Variants in PLS1 observed in about 807,000 individuals in gnomAD.
PLS1 encodes the protein plastin-1.
Under a neutral mutation model 73.7 loss-of-function variants are expected in PLS1, and 32 were observed. That is an observed-to-expected ratio of 0.43 (90% CI 0.33 to 0.58). The LOEUF is 0.58. Among genes scored for constraint, PLS1 ranks in the 20% least tolerant of loss-of-function variants. PLS1 has a pLI of 0.04. For missense variants in PLS1, 633 were observed against 740.5 expected, an observed-to-expected ratio of 0.85 and a Z score of 1.68; for synonymous variants, 217 against 261.3, an observed-to-expected ratio of 0.83 and a Z score of 1.63.
intron 1 of PLS1, among the ~76,000 whole-genome samples, chr3:142,655,103 A>G (rs2037193734): frequency 6.6e-6 from 1 of 152,242 alleles, no homozygotes; most frequent in Admixed American, 6.5e-5. Context: ...AAATAGCAAA[A>G]TAAGACCATT....
chr3:142,653,430 G>C (rs967587678), intron 1 of PLS1, among the ~76,000 whole-genome samples: 2 of 148,130 alleles, frequency 1.4e-5, no homozygotes, highest in Non-Finnish European at 3.0e-5. Flanking sequence ...GTGTGATCTC[G>C]GCTCACTGCA....
intron 1 of PLS1, among the ~76,000 whole-genome samples, chr3:142,629,857 C>A (rs780902400): frequency 2.6e-5 from 4 of 152,104 alleles, no homozygotes; most frequent in Non-Finnish European, 4.4e-5. Context: ...TGTTTAGCAA[C>A]GTCCCTGGCC....
At chr3:142,678,666 C>T (rs967412466) in intron 6 of PLS1, among the ~76,000 whole-genome samples, 84 of 151,164 alleles carry the variant, frequency 5.6e-4, no homozygotes, top group Non-Finnish European at 1.0e-3. Flanking sequence ...TTAATCCAGT[C>T]TATCATTGTT....
intron 1 of PLS1, among the ~76,000 whole-genome samples, chr3:142,618,458 A>C (rs2036253515): frequency 6.6e-6 from 1 of 152,246 alleles, no homozygotes; most frequent in Admixed American, 6.5e-5. Flanking sequence ...GTAGGTCAGA[A>C]GTTTGATACA....
At chr3:142,691,013 G>A (rs2038074461) in intron 10 of PLS1, among the ~76,000 whole-genome samples, 1 of 152,002 alleles carries the variant, frequency 6.6e-6, no homozygotes, top group Admixed American at 6.6e-5. Flanking sequence ...ATGATGTGCG[G>A]TATTCATGAT....
At chr3:142,648,240 G>C (rs956356014) in intron 1 of PLS1, among the ~76,000 whole-genome samples, 3 of 152,178 alleles carry the variant, frequency 2.0e-5, no homozygotes, top group Non-Finnish European at 2.9e-5. Flanking sequence ...TGAGAGAATA[G>C]AGTTTCTAGG....
At chr3:142,611,499 G>A (rs1329014046) in intron 1 of PLS1, among the ~76,000 whole-genome samples, 1 of 152,146 alleles carries the variant, frequency 6.6e-6, no homozygotes, top group East Asian at 1.9e-4. Flanking sequence ...GCATGTGCCT[G>A]TAGTCTTAGC....
intron 1 of PLS1, among the ~76,000 whole-genome samples, chr3:142,646,849 A>G (rs1196960602): frequency 6.6e-6 from 1 of 152,258 alleles, no homozygotes; most frequent in Non-Finnish European, 1.5e-5. Flanking sequence ...AATTGGTACA[A>G]ATAGCAAGTA....
At chr3:142,668,771 T>G (rs1324327354) in intron 2 of PLS1, among the ~76,000 whole-genome samples, 1 of 152,030 alleles carries the variant, frequency 6.6e-6, no homozygotes, top group East Asian at 1.9e-4. Context: ...CCAGCTAATT[T>G]TTCCATTTTT....
chr3:142,611,218 A>C (rs1314960267), intron 1 of PLS1, among the ~76,000 whole-genome samples: 1 of 152,194 alleles, frequency 6.6e-6, no homozygotes, highest in Non-Finnish European at 1.5e-5. Flanking sequence ...GGTTATATGC[A>C]AGCAGGCAGT....
intron 1 of PLS1, among the ~76,000 whole-genome samples, chr3:142,634,367 G>A (rs962595525): frequency 6.6e-6 from 1 of 152,092 alleles, no homozygotes; most frequent in African/African-American, 2.4e-5. Context: ...CTACATCAAA[G>A]CATAATTGTT....
chr3:142,632,829 C>T (rs2108590863), intron 1 of PLS1, among the ~76,000 whole-genome samples: 1 of 152,248 alleles, frequency 6.6e-6, no homozygotes, highest in Middle Eastern at 3.4e-3. Flanking sequence ...AAACTCCTGA[C>T]CTCAGGTGAT....
intron 1 of PLS1, among the ~76,000 whole-genome samples, chr3:142,607,355 C>T (rs1158628344): frequency 2.0e-5 from 3 of 152,224 alleles, no homozygotes; most frequent in Admixed American, 2.0e-4. Context: ...TCTCGGCTCA[C>T]TGCAACCTCT....
At chr3:142,706,950 T>G (rs1395517316) in intron 14 of PLS1, among the ~76,000 whole-genome samples, 2 of 151,700 alleles carry the variant, frequency 1.3e-5, no homozygotes, top group Admixed American at 1.3e-4. Context: ...TTTAGGAAAA[T>G]GGGGGTGGTG....
At chr3:142,660,461 A>G (rs375670475) in intron 1 of PLS1, among the ~76,000 whole-genome samples, 5 of 152,198 alleles carry the variant, frequency 3.3e-5, no homozygotes, top group African/African-American at 9.6e-5. Flanking sequence ...GAATGCTTAC[A>G]GTATCCTAAA....
chr3:142,599,181 T>TG (rs57299906), intron 1 of PLS1, among the ~76,000 whole-genome samples: 15 of 104,594 alleles, frequency 1.4e-4, no homozygotes, highest in African/African-American at 6.0e-4. Flanking sequence ...AATGAATGAA[T>TG]AAATAAATAA....
chr3:142,664,037 C>T lies in PLS1; in HGVS notation c.-36-165C>T, dbSNP rs543196194. 12 of 345,870 alleles carry T rather than the reference C, an allele frequency of 3.5e-5. No individual in the cohort carries two copies. The East Asian group carries it at 5.4e-4, about 16-fold the overall frequency. 21.4% of individuals were successfully genotyped at this position (345,870 alleles called of 1,614,324 possible). ...TGAGTCTCAGTTATAGTTTGGCTGG[C>T]CTATGCTGAGAGATTGTTACCAGGG... On this transcript the variant is annotated intron_variant, in intron 1 of 15. Coordinates refer to ENST00000457734, the MANE Select transcript of PLS1 (RefSeq NM_001145319.2).
At chr3:142,697,734 A>G (rs2038240414) in intron 11 of PLS1, among the ~76,000 whole-genome samples, 1 of 152,214 alleles carries the variant, frequency 6.6e-6, no homozygotes, top group Admixed American at 6.5e-5. Context: ...TATTGTGGCA[A>G]TGAATGTCCT....
chr3:142,618,528 G>T (rs1297824558), intron 1 of PLS1, among the ~76,000 whole-genome samples: 1 of 152,204 alleles, frequency 6.6e-6, no homozygotes, highest in Non-Finnish European at 1.5e-5. Context: ...GGCTCTAGGG[G>T]AGAATCGTTT....
Sources: allele counts gnomAD v4.1 joint callset (sites outside exome capture counted in the v4.1 genomes callset), GRCh38; gene constraint gnomAD v4.1.1; transcripts MANE v1.5; gene names NCBI Gene and HGNC (gene_info 2026-07-23, HGNC 2026-07-21).